The following UGT1A10 variants were observed in gnomAD, a reference collection of about 807,000 sequenced individuals.
The protein encoded by UGT1A10 is UDP-glucuronosyltransferase 1A10.
Under a neutral mutation model 45.8 loss-of-function variants are expected in UGT1A10, and 49 were observed. That is an observed-to-expected ratio of 1.07 (90% CI 0.85 to 1.36). UGT1A10 has a LOEUF of 1.36. Ranked by LOEUF, UGT1A10 falls within the 40% of genes most tolerant of loss-of-function variation. The pLI is 0.00. For missense variants in UGT1A10, 745 were observed against 668.6 expected, an observed-to-expected ratio of 1.11 and a Z score of -1.26; for synonymous variants, 284 against 249.7, an observed-to-expected ratio of 1.14 and a Z score of -1.29.
chr2:233,769,382 A>G lies in UGT1A10; in HGVS notation c.1295+943A>G. 1 of 1,021,984 alleles carries G rather than the reference A, an allele frequency of 9.8e-7. No individual in the cohort carries two copies. The highest frequency in any genetic ancestry group is 1.6e-5 in the South Asian group (1 of 63,370). 63.3% of individuals were successfully genotyped at this position (1,021,984 alleles called of 1,614,324 possible). On this transcript the variant is annotated intron_variant, in intron 4 of 4. Transcript: ENST00000344644. This position sits in a 1 kb window ranked among gnomAD's most constrained non-coding sequence, Gnocchi z 4.4. ...GGCCAGTGGTAGATTTCATCCGACAATAGATACTGTGTGCATATGTGCGTG... is the reference window on the plus strand; with the variant it reads ...GGCCAGTGGTAGATTTCATCCGACAGTAGATACTGTGTGCATATGTGCGTG...
chr2:233,689,420 C>T (rs2074942005), intron 1 of UGT1A10, among the ~76,000 whole-genome samples: 1 of 152,164 alleles, frequency 6.6e-6, no homozygotes, highest in Admixed American at 6.5e-5. Context: ...TCTCTAATGG[C>T]TTGCAAGTAA....
chr2:233,726,552 G>A (rs2125720134), intron 1 of UGT1A10, among the ~76,000 whole-genome samples: 1 of 152,244 alleles, frequency 6.6e-6, no homozygotes, highest in African/African-American at 2.4e-5. Context: ...GCGTCTTCAA[G>A]TCTCCCACTC....
At chr2:233,668,217 C>G (rs370158417) in intron 1 of UGT1A10, among the ~76,000 whole-genome samples, 5 of 152,236 alleles carry the variant, frequency 3.3e-5, no homozygotes, top group African/African-American at 1.2e-4. Flanking sequence ...ACCCCCACCT[C>G]TCGACAGGCC....
chr2:233,757,994 T>C (rs1233482965), intron 1 of UGT1A10, among the ~76,000 whole-genome samples: 1 of 152,092 alleles, frequency 6.6e-6, no homozygotes, highest in Non-Finnish European at 1.5e-5. Context: ...TCCCCTGTAA[T>C]TGCCTGGTCA....
chr2:233,681,400 A>G (rs774539433), intron 1 of UGT1A10, among the ~76,000 whole-genome samples: 2 of 151,694 alleles, frequency 1.3e-5, no homozygotes, highest in Non-Finnish European at 2.9e-5. Context: ...TGGGCATGGC[A>G]GCGTGCGCCT....
At chr2:233,717,439 G>T (rs542098595) in intron 1 of UGT1A10, among the ~76,000 whole-genome samples, 3 of 152,154 alleles carry the variant, frequency 2.0e-5, no homozygotes, top group African/African-American at 7.2e-5. Context: ...TCTGATGGAC[G>T]CATCCATTCA....
chr2:233,646,852 C>A (rs1257935872), intron 1 of UGT1A10, among the ~76,000 whole-genome samples: 2 of 152,224 alleles, frequency 1.3e-5, no homozygotes, highest in Non-Finnish European at 2.9e-5. Context: ...AAGTCCCTTC[C>A]ACGTTTTCAG....
chr2:233,731,071 A>T (rs1317636951), intron 1 of UGT1A10, among the ~76,000 whole-genome samples: 1 of 151,958 alleles, frequency 6.6e-6, no homozygotes, highest in Admixed American at 6.6e-5. Flanking sequence ...CATGATTTAG[A>T]TCCTTTTGTA....
intron 1 of UGT1A10, among the ~76,000 whole-genome samples, chr2:233,637,897 G>A (rs1454614301): frequency 1.3e-5 from 2 of 152,010 alleles, no homozygotes; most frequent in African/African-American, 4.8e-5. Context: ...AGACAGATTT[G>A]ACAAGTTCTT....
chr2:233,701,626 G>A (rs949680433), intron 1 of UGT1A10, among the ~76,000 whole-genome samples: 37 of 152,190 alleles, frequency 2.4e-4, no homozygotes, highest in Non-Finnish European at 4.7e-4. Context: ...TAAAAGAACA[G>A]AAATTATAGC....
chr2:233,750,190 A>G (rs1694385448), intron 1 of UGT1A10, among the ~76,000 whole-genome samples: 1 of 151,894 alleles, frequency 6.6e-6, no homozygotes, highest in African/African-American at 2.4e-5. Context: ...TGTTGTGGAC[A>G]ATGAAGTCCA....
chr2:233,653,716 C>A (rs557092997), intron 1 of UGT1A10, among the ~76,000 whole-genome samples: 115 of 152,290 alleles, frequency 7.6e-4, no homozygotes, highest in Non-Finnish European at 1.4e-3. Flanking sequence ...CCTGCCTCAG[C>A]CTCCTGGGTA....
chr2:233,644,745 G>C (rs529896334), intron 1 of UGT1A10, among the ~76,000 whole-genome samples: 1 of 152,194 alleles, frequency 6.6e-6, no homozygotes, highest in East Asian at 1.9e-4. Context: ...GGGTTCAGGG[G>C]GTTGGGTGAC....
intron 1 of UGT1A10, among the ~76,000 whole-genome samples, chr2:233,710,562 A>C (rs995361166): frequency 9.2e-5 from 14 of 152,172 alleles, no homozygotes; most frequent in African/African-American, 3.4e-4. Context: ...TTTTCTTTTA[A>C]AAGGTGCCCT....
At chr2:233,713,916 G>T in intron 1 of UGT1A10, 1 of 1,612,412 alleles carries the variant, frequency 6.2e-7, no homozygotes, top group Non-Finnish European at 8.5e-7. Context: ...TTTAAAAAAT[G>T]TATTTACTTA....
At chr2:233,728,353 G>T (rs563939650) in intron 1 of UGT1A10, among the ~76,000 whole-genome samples, 5 of 152,310 alleles carry the variant, frequency 3.3e-5, no homozygotes, top group Admixed American at 3.3e-4. Context: ...GTGAGCAGGA[G>T]CTCCCTGAAC....
intron 1 of UGT1A10, among the ~76,000 whole-genome samples, chr2:233,749,359 C>G (rs189942106): frequency 6.6e-6 from 1 of 151,920 alleles, no homozygotes; most frequent in East Asian, 1.9e-4. Flanking sequence ...TAAATAGTGA[C>G]TCTTGCCCTT....
At chr2:233,693,340 C>T (rs2075146387) in intron 1 of UGT1A10, 1 of 1,614,074 alleles carries the variant, frequency 6.2e-7, no homozygotes, top group Admixed American at 1.7e-5. Context: ...AGACAGAGTA[C>T]AGGAATAACA....
chr2:233,676,502 A>G (rs1269994566), intron 1 of UGT1A10, among the ~76,000 whole-genome samples: 1 of 152,224 alleles, frequency 6.6e-6, no homozygotes, highest in African/African-American at 2.4e-5. Context: ...GCTAAAAGCT[A>G]AAGTCTGTTT....
Sources: gnomAD v4.1 joint callset for allele counts (sites outside exome capture counted in the v4.1 genomes callset) on GRCh38, gnomAD v4.1.1 for gene constraint, Gnocchi (gnomAD v3.1) non-coding constraint, MANE v1.5 for transcripts, NCBI Gene and HGNC (gene_info 2026-07-23, HGNC 2026-07-21) for gene names.